Variants in RAB31 observed in about 807,000 individuals in gnomAD.
The protein encoded by RAB31 is RAB31, member RAS oncogene family.
Under a neutral mutation model 25.6 loss-of-function variants are expected in RAB31, and 21 were observed. The observed-to-expected ratio is 0.82, with a 90% CI of 0.58 to 1.18. RAB31 has a LOEUF of 1.18. Among genes scored for constraint, RAB31 ranks in the 50% most tolerant of loss-of-function variants. RAB31 has a pLI of 0.00. For synonymous variants in RAB31, 87 were observed against 84.0 expected (o/e 1.04, Z -0.20); for missense variants, 196 against 250.1 (o/e 0.78, Z 1.46).
At chr18:9,751,808 G>A (rs780472925) in intron 1 of RAB31, among the ~76,000 whole-genome samples, 13 of 152,194 alleles carry the variant, frequency 8.5e-5, no homozygotes, top group Non-Finnish European at 1.6e-4. Flanking sequence ...AAAATCTTTG[G>A]GACAATTCCT....
intron 5 of RAB31, among the ~76,000 whole-genome samples, chr18:9,839,001 AG>A (rs1337057220): frequency 5.3e-5 from 8 of 152,228 alleles, no homozygotes; most frequent in Non-Finnish European, 1.2e-4. Context: ...GTCATTCAGC[AG>A]ATGCTTACTG....
At chr18:9,851,806 T>C (rs1407972909) in intron 6 of RAB31, among the ~76,000 whole-genome samples, 4 of 152,192 alleles carry the variant, frequency 2.6e-5, no homozygotes, top group Non-Finnish European at 5.9e-5. Flanking sequence ...GAAATGGAAG[T>C]TACAGAGCAG....
chr18:9,813,374 A>G (rs752629196), intron 3 of RAB31, among the ~76,000 whole-genome samples: 1 of 152,198 alleles, frequency 6.6e-6, no homozygotes, highest in Non-Finnish European at 1.5e-5. Flanking sequence ...GCATAATTCT[A>G]ATGAGATTAC....
At chr18:9,719,506 T>C (rs2068063909) in intron 1 of RAB31, among the ~76,000 whole-genome samples, 1 of 151,514 alleles carries the variant, frequency 6.6e-6, no homozygotes, top group Non-Finnish European at 1.5e-5. Context: ...TTCTCCTCTT[T>C]AGTTTGTTTG....
At chr18:9,769,630 GCAAA>G (rs1329034601) in intron 1 of RAB31, among the ~76,000 whole-genome samples, 1 of 152,212 alleles carries the variant, frequency 6.6e-6, no homozygotes, top group African/African-American at 2.4e-5. Flanking sequence ...CATGTCATCT[GCAAA>G]CAGAGACAAT....
chr18:9,826,802 C>A (rs969526650), intron 5 of RAB31, among the ~76,000 whole-genome samples: 1 of 152,032 alleles, frequency 6.6e-6, no homozygotes, highest in Non-Finnish European at 1.5e-5. Flanking sequence ...TGTGAGAGGA[C>A]CTGCAGGTAT....
At position 9,708,526 on chromosome 18, in the gene RAB31, TCCCCGTGATC is replaced by T; in HGVS notation, c.39+86_39+95del. 1 of 1,184,058 alleles carries T rather than the reference TCCCCGTGATC, an allele frequency of 8.4e-7. No individual in the cohort carries two copies. The highest frequency in any genetic ancestry group is 1.6e-5 in the South Asian group (1 of 62,928). 73.3% of individuals were successfully genotyped at this position (1,184,058 alleles called of 1,614,324 possible). A position where few individuals can be genotyped will look rare whatever the true frequency, so the allele number is the denominator to read the frequency against. ...GCTCCCCTATTCCCTGCGCGCTCAG[TCCCCGTGATC>T]CCCTCGCTCTCCGCACCCCTCTCGT... On this transcript the variant is annotated intron_variant, in intron 1 of 6. Coordinates refer to ENST00000578921, the MANE Select transcript of RAB31 (RefSeq NM_006868.4). This position sits in a 1 kb window ranked among gnomAD's most constrained non-coding sequence, Gnocchi z 6.4.
intron 1 of RAB31, among the ~76,000 whole-genome samples, chr18:9,772,317 A>C (rs2068349375): frequency 6.6e-6 from 1 of 152,042 alleles, no homozygotes; most frequent in South Asian, 2.1e-4. Flanking sequence ...GGCACACAGA[A>C]ACCAGGCGAG....
chr18:9,771,246 C>T (rs1364523537), intron 1 of RAB31, among the ~76,000 whole-genome samples: 1 of 152,128 alleles, frequency 6.6e-6, no homozygotes, highest in Non-Finnish European at 1.5e-5. Context: ...GAGGTTTTGA[C>T]TAGGACTCAA....
intron 1 of RAB31, among the ~76,000 whole-genome samples, chr18:9,760,162 C>CTTTTTG (rs921641142): frequency 8.5e-5 from 5 of 58,512 alleles, no homozygotes; most frequent in African/African-American, 1.6e-4. Context: ...TCTTTCTTTT[C>CTTTTTG]TTTTTGTTTT....
chr18:9,822,080 T>C (rs907416165), intron 5 of RAB31, among the ~76,000 whole-genome samples: 2 of 152,148 alleles, frequency 1.3e-5, no homozygotes, highest in African/African-American at 4.8e-5. Flanking sequence ...GCTACAGTAA[T>C]CGAGACAGTA....
chr18:9,756,144 T>C (rs578002242), intron 1 of RAB31, among the ~76,000 whole-genome samples: 3 of 152,340 alleles, frequency 2.0e-5, no homozygotes, highest in Non-Finnish European at 4.4e-5. Context: ...ATGCAGTAGA[T>C]AGGGAGTTAG....
chr18:9,717,743 T>C (rs1228660283), intron 1 of RAB31, among the ~76,000 whole-genome samples: 1 of 152,114 alleles, frequency 6.6e-6, no homozygotes, highest in African/African-American at 2.4e-5. Context: ...GTACACACAG[T>C]ATGTGGAGTA....
rs1035931161 is a variant in RAB31 at position 9,749,355 on chromosome 18, A to T, written c.40-25923A>T. Among the ~76,000 whole-genome samples the T allele has an allele frequency of 4.0e-5, 5 of 126,062 alleles. No individual in the cohort carries two copies. In the East Asian group the frequency reaches 9.3e-4, roughly 23 times the overall value. 82.7% of individuals were successfully genotyped at this position (126,062 alleles called of 152,430 possible). A position where few individuals can be genotyped will look rare whatever the true frequency, so the allele number is the denominator to read the frequency against. ...TTTACGGAACAGAGGGAACAGAGGG[A>T]ACAGAGGGAGCGGAGGGAACGGAAG... On this transcript the variant is annotated intron_variant, in intron 1 of 6. Transcript: ENST00000578921.
rs761848210 is a variant in RAB31, at chr18:9,859,214, C to T, written c.491-14C>T. On this transcript the variant is annotated splice_polypyrimidine_tract_variant and intron_variant, in intron 6 of 6. Transcript: ENST00000578921. ...AGGAAAGGGAACTCACCCTTGGCCT[C>T]CTTTTTGTTGCAGGCCGCCAGATCC... The T allele has an allele frequency of 1.8e-5, 29 of 1,603,518 alleles. No individual in the cohort carries two copies. The highest frequency in any genetic ancestry group is 2.3e-5 in the Non-Finnish European group (27 of 1,170,584).
chr18:9,823,654 A>AG (rs1306069399), intron 5 of RAB31, among the ~76,000 whole-genome samples: 1 of 152,222 alleles, frequency 6.6e-6, no homozygotes, highest in Admixed American at 6.5e-5. Flanking sequence ...CAGTCAGGTG[A>AG]GGGTATGTGT....
chr18:9,809,007 C>G (rs73385082), intron 3 of RAB31, among the ~76,000 whole-genome samples: 4,114 of 134,420 alleles, frequency 0.031, 139 homozygotes, highest in African/African-American at 0.079. Flanking sequence ...AGGAGATTTC[C>G]TGGAATAAGA....
intron 5 of RAB31, among the ~76,000 whole-genome samples, chr18:9,824,714 G>A (rs1251330366): frequency 6.6e-6 from 1 of 152,214 alleles, no homozygotes; most frequent in Admixed American, 6.5e-5. Flanking sequence ...CTCCCAGAGT[G>A]GAAGGCATTC....
chr18:9,763,680 A>C (rs1039965560), intron 1 of RAB31, among the ~76,000 whole-genome samples: 4 of 151,726 alleles, frequency 2.6e-5, no homozygotes, highest in African/African-American at 9.7e-5. Flanking sequence ...AAGAGACTTA[A>C]TGGAGCAGAA....
Sources: allele counts gnomAD v4.1 joint callset (sites outside exome capture counted in the v4.1 genomes callset), GRCh38; gene constraint gnomAD v4.1.1; non-coding constraint Gnocchi (gnomAD v3.1); transcripts MANE v1.5; gene names NCBI Gene and HGNC (gene_info 2026-07-23, HGNC 2026-07-21).